SPAG16: variants seen among roughly 807,000 people sequenced by gnomAD.
The protein encoded by SPAG16 is sperm-associated antigen 16 protein.
A neutral mutation model predicts 80.4 loss-of-function variants in SPAG16; 86 were observed. The observed-to-expected ratio is 1.07, with a 90% CI of 0.90 to 1.28. The LOEUF (loss-of-function observed/expected upper bound fraction) is 1.28. SPAG16 is among the 50% of genes most tolerant of loss of function. The pLI, the probability that SPAG16 is intolerant of heterozygous loss-of-function variation, is 0.00. For synonymous variants in SPAG16, 294 were observed against 265.9 expected, an observed-to-expected ratio of 1.11 and a Z score of -1.03; for missense variants, 870 against 765.3, an observed-to-expected ratio of 1.14 and a Z score of -1.61.
intron 10 of SPAG16, among the ~76,000 whole-genome samples, chr2:213,595,794 GT>G (rs1166245344): frequency 6.6e-6 from 1 of 151,974 alleles, no homozygotes; most frequent in African/African-American, 2.4e-5. Flanking sequence ...TGTAGTCTTT[GT>G]ATGTAAATGA....
chr2:213,337,772 G>A (rs1164392148), intron 5 of SPAG16, among the ~76,000 whole-genome samples: 1 of 152,158 alleles, frequency 6.6e-6, no homozygotes, highest in Non-Finnish European at 1.5e-5. Context: ...AAGAGACGGA[G>A]AGAATGGAAC....
At position 213,532,436 on chromosome 2, in the gene SPAG16, G is replaced by A. The variant is rs558384807; in HGVS notation, c.1070+42346G>A. On this transcript the variant is annotated intron_variant, in intron 10 of 15. Coordinates refer to ENST00000331683, the MANE Select transcript of SPAG16 (RefSeq NM_024532.5). ...GACAAATTCTGTTTATTTCTTGAAA[G>A]TTTCTCTTCATATGAGTTTAATTGA... Among the ~76,000 whole-genome samples, 28 of 150,938 alleles carry A rather than the reference G, an allele frequency of 1.9e-4. 1 individual carries two copies. The South Asian group carries it at 5.9e-3, about 32-fold the overall frequency.
At chr2:214,362,257 T>C (rs1180280177) in intron 15 of SPAG16, among the ~76,000 whole-genome samples, 3 of 151,866 alleles carry the variant, frequency 2.0e-5, no homozygotes, top group Admixed American at 2.0e-4. Context: ...TTGGTCAAAG[T>C]AAGTCACAGA....
At chr2:213,740,290 G>A (rs1481246661) in intron 10 of SPAG16, among the ~76,000 whole-genome samples, 1 of 152,116 alleles carries the variant, frequency 6.6e-6, no homozygotes, top group Non-Finnish European at 1.5e-5. Context: ...GATGACTCCA[G>A]GAATATAAAA....
chr2:214,166,839 G>A (rs979267896), intron 15 of SPAG16, among the ~76,000 whole-genome samples: 1 of 152,054 alleles, frequency 6.6e-6, no homozygotes, highest in Non-Finnish European at 1.5e-5. Flanking sequence ...AGAAAATCAA[G>A]TAAAAATGTT....
chr2:213,512,286 ATAAAGT>A (rs1219090624), intron 10 of SPAG16, among the ~76,000 whole-genome samples: 2 of 152,202 alleles, frequency 1.3e-5, no homozygotes, highest in Non-Finnish European at 1.5e-5. Flanking sequence ...CTGTAGTATG[ATAAAGT>A]TAGAGAGACA....
rs114734309 is a variant in SPAG16, at chr2:214,164,001, C to T, written c.1720+14735C>T. Among the ~76,000 whole-genome samples, 1,015 of 152,020 alleles carry T rather than the reference C, an allele frequency of 6.7e-3. 2 individuals are homozygous for T. The highest frequency in any genetic ancestry group is 0.017 in the Middle Eastern group (5 of 292). Reference sequence around the variant, plus strand: ...TCTACACTAGTGTTTGACCAAATACCGGGTACCATATGTACAATGGCCTAT... The same window carrying T: ...TCTACACTAGTGTTTGACCAAATACTGGGTACCATATGTACAATGGCCTAT... On this transcript the variant is annotated intron_variant, in intron 15 of 15. Coordinates refer to ENST00000331683, the MANE Select transcript of SPAG16 (RefSeq NM_024532.5).
intron 10 of SPAG16, among the ~76,000 whole-genome samples, chr2:213,658,153 C>T (rs2063287839): frequency 2.0e-5 from 3 of 152,044 alleles, no homozygotes; most frequent in Admixed American, 2.0e-4. Context: ...AATCCTATGC[C>T]TTTTCTCCTT....
intron 10 of SPAG16, among the ~76,000 whole-genome samples, chr2:213,702,339 G>A (rs1406955746): frequency 6.6e-6 from 1 of 152,184 alleles, no homozygotes; most frequent in African/African-American, 2.4e-5. Context: ...TTCATGCTGT[G>A]GAAGGTTTGT....
chr2:214,072,079 CT>C (rs1393779507), intron 13 of SPAG16, among the ~76,000 whole-genome samples: 2 of 151,912 alleles, frequency 1.3e-5, no homozygotes, highest in Non-Finnish European at 1.5e-5. Flanking sequence ...CAGGAAGGTG[CT>C]TTTTTTCTTG....
chr2:213,602,236 A>G (rs2061092789), intron 10 of SPAG16, among the ~76,000 whole-genome samples: 1 of 152,232 alleles, frequency 6.6e-6, no homozygotes, highest in Admixed American at 6.5e-5. Context: ...ATGTCTGCAC[A>G]ATGACAAAAT....
chr2:213,868,025 G>T (rs1462622746), intron 11 of SPAG16, among the ~76,000 whole-genome samples: 1 of 151,420 alleles, frequency 6.6e-6, no homozygotes, highest in Non-Finnish European at 1.5e-5. Flanking sequence ...GTGTTTTCTG[G>T]ATTATACCAA....
At chr2:213,605,938 A>G (rs2061245509) in intron 10 of SPAG16, among the ~76,000 whole-genome samples, 1 of 152,182 alleles carries the variant, frequency 6.6e-6, no homozygotes, top group South Asian at 2.1e-4. Flanking sequence ...CATTTACACC[A>G]TACTGCAATT....
chr2:214,008,489 A>T (rs867092863), intron 12 of SPAG16, among the ~76,000 whole-genome samples: 2 of 152,108 alleles, frequency 1.3e-5, no homozygotes, highest in Non-Finnish European at 2.9e-5. Context: ...TCACGCCTGT[A>T]ATCCCAGCAC....
intron 15 of SPAG16, among the ~76,000 whole-genome samples, chr2:214,363,256 C>T (rs1272989914): frequency 6.6e-6 from 1 of 151,930 alleles, no homozygotes; most frequent in East Asian, 1.9e-4. Flanking sequence ...ATGACTCCAA[C>T]CACTGTAATC....
At chr2:214,186,893 G>C (rs768987160) in intron 15 of SPAG16, among the ~76,000 whole-genome samples, 1 of 152,048 alleles carries the variant, frequency 6.6e-6, no homozygotes, top group Non-Finnish European at 1.5e-5. Flanking sequence ...CCAAGTAGCT[G>C]GGACTACAGG....
chr2:214,023,308 A>G (rs2047972809), intron 13 of SPAG16, among the ~76,000 whole-genome samples: 1 of 151,806 alleles, frequency 6.6e-6, no homozygotes, highest in South Asian at 2.1e-4. Context: ...AGTAAAAAAT[A>G]CTGATTTTCC....
chr2:213,924,555 A>T (rs935388499), intron 11 of SPAG16, among the ~76,000 whole-genome samples: 10 of 152,202 alleles, frequency 6.6e-5, no homozygotes, highest in Admixed American at 5.2e-4. Context: ...AGAGCAGCAC[A>T]TACAAGCTGC....
intron 9 of SPAG16, among the ~76,000 whole-genome samples, chr2:213,421,355 G>A (rs192356417): frequency 6.6e-6 from 1 of 152,312 alleles, no homozygotes; most frequent in Admixed American, 6.5e-5. Context: ...TCCAGACATT[G>A]GGCACCAACA....
Sources: allele counts gnomAD v4.1 joint callset (sites outside exome capture counted in the v4.1 genomes callset), GRCh38; gene constraint gnomAD v4.1.1; transcripts MANE v1.5; gene names NCBI Gene and HGNC (gene_info 2026-07-23, HGNC 2026-07-21).